The following PDSS2 variants were observed in gnomAD, a reference collection of about 807,000 sequenced individuals.
PDSS2 encodes all trans-polyprenyl-diphosphate synthase PDSS2.
A neutral mutation model predicts 44.5 loss-of-function variants in PDSS2; 31 were observed. That is an observed-to-expected ratio of 0.70 (90% CI 0.52 to 0.94). The LOEUF (loss-of-function observed/expected upper bound fraction) is 0.94. PDSS2 is among the 40% of genes least tolerant of loss of function. The probability of loss-of-function intolerance (pLI) is 0.00; values close to 1 mark genes in which losing one functional copy is unlikely to be tolerated. For missense variants in PDSS2, 452 were observed against 482.2 expected (o/e 0.94, Z 0.59); for synonymous variants, 157 against 180.3 (o/e 0.87, Z 1.03).
At chr6:107,425,854 G>A (rs902007443) in intron 1 of PDSS2, among the ~76,000 whole-genome samples, 11 of 152,078 alleles carry the variant, frequency 7.2e-5, no homozygotes, top group Admixed American at 3.3e-4. Context: ...CCAGCTACTC[G>A]GGAGGCTGAG....
intron 1 of PDSS2, among the ~76,000 whole-genome samples, chr6:107,412,233 CTTTTTTTTTTTT>C (rs1169549611): frequency 2.7e-5 from 2 of 73,406 alleles, no homozygotes; most frequent in Admixed American, 2.1e-4. Context: ...GTCCTTTGCT[CTTTTTTTTTTTT>C]TTTTTTTTTT....
At chr6:107,249,732 T>C (rs1002539915) in intron 3 of PDSS2, among the ~76,000 whole-genome samples, 5 of 152,194 alleles carry the variant, frequency 3.3e-5, no homozygotes, top group Non-Finnish European at 4.4e-5. Flanking sequence ...TGGCTTCTCC[T>C]GCCACCTCCC....
chr6:107,158,202 T>C (rs1383528778), intron 7 of PDSS2, among the ~76,000 whole-genome samples: 2 of 135,132 alleles, frequency 1.5e-5, no homozygotes, highest in African/African-American at 2.6e-5. Context: ...TTTTTTTTTT[T>C]CGAGACAGAG....
At chr6:107,321,008 T>A (rs1314278045) in intron 2 of PDSS2, among the ~76,000 whole-genome samples, 2 of 152,208 alleles carry the variant, frequency 1.3e-5, no homozygotes, top group Non-Finnish European at 2.9e-5. Flanking sequence ...TAAATTTCTT[T>A]AAGCCTGTTT....
chr6:107,222,652 C>CA (rs567984860), intron 4 of PDSS2, among the ~76,000 whole-genome samples: 1,788 of 53,204 alleles, frequency 0.034, 43 homozygotes, highest in African/African-American at 0.096. Flanking sequence ...AAGACTGTCT[C>CA]AAAAAAAAAA....
At chr6:107,270,016 TGGG>T (rs1775544491) in intron 3 of PDSS2, among the ~76,000 whole-genome samples, 1 of 151,960 alleles carries the variant, frequency 6.6e-6, no homozygotes, top group African/African-American at 2.4e-5. Flanking sequence ...ATACCACTGT[TGGG>T]GGCACAGATT....
intron 6 of PDSS2, among the ~76,000 whole-genome samples, chr6:107,199,234 G>A (rs1336956629): frequency 6.6e-6 from 1 of 152,174 alleles, no homozygotes; most frequent in Non-Finnish European, 1.5e-5. Context: ...GAACAGAACA[G>A]ATCAAAATGT....
At chr6:107,402,800 G>T (rs1033384805) in intron 1 of PDSS2, among the ~76,000 whole-genome samples, 11 of 151,944 alleles carry the variant, frequency 7.2e-5, no homozygotes, top group African/African-American at 2.7e-4. Context: ...ACTATCACGA[G>T]AATAGCATGA....
chr6:107,174,343 A>G (rs1162617686), intron 7 of PDSS2, among the ~76,000 whole-genome samples: 1 of 152,242 alleles, frequency 6.6e-6, no homozygotes, highest in Non-Finnish European at 1.5e-5. Context: ...ATAAATAAGA[A>G]AAGAACCTTC....
chr6:107,253,358 T>C (rs927366453), intron 3 of PDSS2, among the ~76,000 whole-genome samples: 1 of 152,262 alleles, frequency 6.6e-6, no homozygotes, highest in Non-Finnish European at 1.5e-5. Flanking sequence ...TAAGTATCAC[T>C]AAGGGACCAT....
chr6:107,388,873 T>C (rs926148794), intron 1 of PDSS2, among the ~76,000 whole-genome samples: 1 of 152,168 alleles, frequency 6.6e-6, no homozygotes, highest in African/African-American at 2.4e-5. Context: ...TGTAATATTA[T>C]GCAGTGACAA....
chr6:107,219,533 C>T (rs1424084034), intron 4 of PDSS2, among the ~76,000 whole-genome samples: 3 of 152,160 alleles, frequency 2.0e-5, no homozygotes, highest in African/African-American at 4.8e-5. Flanking sequence ...GTGATCCACC[C>T]GCCTTGGCCT....
chr6:107,184,452 C>G (rs1285903634), intron 7 of PDSS2, among the ~76,000 whole-genome samples: 7 of 152,010 alleles, frequency 4.6e-5, no homozygotes, highest in Admixed American at 3.9e-4. Context: ...AAAGGGCAAA[C>G]CTTGGAAAGG....
intron 1 of PDSS2, among the ~76,000 whole-genome samples, chr6:107,458,282 G>A (rs1312211159): frequency 6.6e-6 from 1 of 151,626 alleles, no homozygotes; most frequent in African/African-American, 2.4e-5. Context: ...TCAGGAGATT[G>A]AGACGATCCT....
At chr6:107,208,673 A>G (rs62428040) in intron 6 of PDSS2, among the ~76,000 whole-genome samples, 35,108 of 147,828 alleles carry the variant, frequency 0.24, 5,036 homozygotes, top group East Asian at 0.48. Flanking sequence ...GCAATGGCGC[A>G]ATCTCGCTCA....
chr6:107,197,773 C>T (rs1251524204), intron 6 of PDSS2: 1 of 469,078 alleles, frequency 2.1e-6, no homozygotes, highest in East Asian at 6.9e-5. Context: ...TGTTGCCTCT[C>T]TTCTAACCAT....
intron 3 of PDSS2, among the ~76,000 whole-genome samples, chr6:107,264,708 C>T (rs933679934): frequency 6.6e-6 from 1 of 152,132 alleles, no homozygotes; most frequent in Non-Finnish European, 1.5e-5. Flanking sequence ...CTGTTAATGG[C>T]CAGCTAGATT....
rs1562389131 is a variant in PDSS2, at chr6:107,225,149, ATATATATATATATTTTTTTTTTTTT to A, written c.703-12892_703-12868del. Among the ~76,000 whole-genome samples, 7 of 55,412 alleles carry A rather than the reference ATATATATATATATTTTTTTTTTTTT, an allele frequency of 1.3e-4. 1 individual carries two copies. The highest frequency in any genetic ancestry group is 1.0e-3 in the African/African-American group (7 of 6,996). 36.4% of individuals were successfully genotyped at this position (55,412 alleles called of 152,430 possible). ...TATATATATATTTTTATATATATAT[ATATATATATATATTTTTTTTTTTTT>A]TTTTTTTTTTTTTTTGAGACAGAGT... is the stretch of plus-strand genomic sequence containing the variant. On this transcript the variant is annotated intron_variant, in intron 4 of 7. Transcript: ENST00000369037.
chr6:107,300,335 C>T (rs373733040), intron 2 of PDSS2, among the ~76,000 whole-genome samples: 31 of 152,264 alleles, frequency 2.0e-4, no homozygotes, highest in Middle Eastern at 6.8e-3. Flanking sequence ...ACCCCTACTA[C>T]GCCCCAATTC....
Sources: allele counts gnomAD v4.1 joint callset (sites outside exome capture counted in the v4.1 genomes callset), GRCh38; gene constraint gnomAD v4.1.1; transcripts MANE v1.5; gene names NCBI Gene and HGNC (gene_info 2026-07-23, HGNC 2026-07-21).